DPY30: variants seen among roughly 807,000 people sequenced by gnomAD.
DPY30 encodes protein dpy-30 homolog.
DPY30 carries 6 observed loss-of-function variants against 16.2 expected under a neutral mutation model. That is an observed-to-expected ratio of 0.37 (90% confidence interval 0.20 to 0.73). The LOEUF (loss-of-function observed/expected upper bound fraction) is 0.73. DPY30 is among the 30% of genes least tolerant of loss of function. DPY30 has a pLI of 0.51. For synonymous variants in DPY30, 39 were observed against 38.8 expected (o/e 1.00, Z -0.02); for missense variants, 73 against 113.1 (o/e 0.65, Z 1.61).
At chr2:32,021,067 G>C (rs1336441959), downstream of DPY30, 1 of 151,672 alleles carries the variant, frequency 6.6e-6, no homozygotes, top group Admixed American at 6.6e-5. Context: ...TCAGGAGTTC[G>C]CAACCAGCCT....
At chr2:32,018,795 G>A (rs1303954610) in intron 5 of DPY30, among the ~76,000 whole-genome samples, 3 of 152,096 alleles carry the variant, frequency 2.0e-5, no homozygotes, top group South Asian at 2.1e-4. Context: ...AAAGGCGGGC[G>A]ATTGCTTGAG....
chr2:32,023,809 C>G, downstream of DPY30: 1 of 1,307,840 alleles, frequency 7.6e-7, no homozygotes. Context: ...TTGTAAAACT[C>G]TGCAGCATTT....
chr2:32,028,742 G>C (rs1355567604), intron 4 of DPY30, among the ~76,000 whole-genome samples: 1 of 152,076 alleles, frequency 6.6e-6, no homozygotes, highest in Non-Finnish European at 1.5e-5. Context: ...AGTGAGCCAA[G>C]ATCATGCCAC....
chr2:32,024,312 T>A, intron 4 of DPY30, 56 bp from the exon 5 acceptor site: 1 of 1,263,336 alleles, frequency 7.9e-7, no homozygotes, highest in Non-Finnish European at 1.1e-6. Context: ...TGTGTTAATT[T>A]AAACATATTG....
chr2:32,029,142 C>A (rs917515078), intron 4 of DPY30, among the ~76,000 whole-genome samples: 1 of 151,886 alleles, frequency 6.6e-6, no homozygotes, highest in Non-Finnish European at 1.5e-5. Context: ...CGTAGTGGCC[C>A]ACGCCTGTAG....
Position 32,025,921 on chromosome 2 carries a change from A to G in DPY30, c.228-1665T>C, listed in dbSNP as rs549636557. The stretch of plus-strand genomic sequence containing the variant: ...CCAAGGGTTCAAAATCAACCTGGCA[A>G]CGTGACAAAACCCTGTCTCTACAGA... On this transcript the variant is annotated intron_variant, in intron 4 of 4. Coordinates refer to ENST00000342166, the MANE Select transcript of DPY30 (RefSeq NM_001321209.2). 4.6e-5 allele frequency among the ~76,000 whole-genome samples: 7 copies of G among 152,152 alleles called. No individual in the cohort carries two copies. The South Asian group carries it at 1.5e-3, about 32-fold the overall frequency.
At chr2:32,023,483 T>C (rs1675228976), downstream of DPY30, 2 of 474,596 alleles carry the variant, frequency 4.2e-6, no homozygotes, top group Admixed American at 4.7e-5. Flanking sequence ...ATCTGCAAAA[T>C]GGGAATAATA....
At chr2:32,011,676 AC>A (rs1207244841), downstream of DPY30, among the ~76,000 whole-genome samples, 1 of 152,256 alleles carries the variant, frequency 6.6e-6, no homozygotes, top group Non-Finnish European at 1.5e-5. Flanking sequence ...TGTTATTGTT[AC>A]AAAGTACACC....
chr2:32,029,861 T>C, intron 3 of DPY30, 125 bp from the exon 4 acceptor site: 1 of 1,016,024 alleles, frequency 9.8e-7, no homozygotes, highest in African/African-American at 1.6e-5. Flanking sequence ...AAGATGGTAC[T>C]AGACCACAAA....
At chr2:32,018,878 T>C (rs1675112258) in intron 5 of DPY30, among the ~76,000 whole-genome samples, 1 of 151,342 alleles carries the variant, frequency 6.6e-6, no homozygotes, top group South Asian at 2.1e-4. Context: ...AAAAGCAAAT[T>C]AGCCAGACAT....
chr2:32,026,403 T>G (rs1368526419), intron 4 of DPY30, among the ~76,000 whole-genome samples: 1 of 151,848 alleles, frequency 6.6e-6, no homozygotes, highest in Non-Finnish European at 1.5e-5. Context: ...GAGCGAGAAC[T>G]TGTCTCAAAA....
downstream of DPY30, among the ~76,000 whole-genome samples, chr2:32,020,412 T>G (rs1012085564): frequency 1.3e-5 from 2 of 151,912 alleles, no homozygotes; most frequent in Non-Finnish European, 2.9e-5. Flanking sequence ...CTTGGAAGGC[T>G]AAGGCAAGAA....
At chr2:32,015,107 C>A (rs17011742) in intron 5 of DPY30, among the ~76,000 whole-genome samples, 21,354 of 150,916 alleles carry the variant, frequency 0.14, 1,613 homozygotes, top group Middle Eastern at 0.2. Context: ...CTCTATTTTT[C>A]CATCTTTAGG....
At chr2:32,036,545 C>T (rs1675746797) in intron 3 of DPY30, among the ~76,000 whole-genome samples, 2 of 151,804 alleles carry the variant, frequency 1.3e-5, no homozygotes, top group African/African-American at 4.8e-5. Flanking sequence ...GGTGGCGGCG[C>T]CTGTAGTCCC....
At chr2:32,030,537 G>T (rs964119700) in intron 3 of DPY30, among the ~76,000 whole-genome samples, 1 of 151,888 alleles carries the variant, frequency 6.6e-6, no homozygotes, top group African/African-American at 2.4e-5. Flanking sequence ...GGCTGAAGCA[G>T]GAGAATGGCG....
chr2:32,025,862 C>T (rs1032252039), intron 4 of DPY30, among the ~76,000 whole-genome samples: 4 of 151,660 alleles, frequency 2.6e-5, no homozygotes, highest in Non-Finnish European at 5.9e-5. Flanking sequence ...AATCCTCACA[C>T]TTTGGGAGGC....
chr2:32,035,591 T>TA lies in DPY30; in HGVS notation c.84+3687dup, dbSNP rs906842596. Among the ~76,000 whole-genome samples, 1,058 of 137,154 alleles carry TA rather than the reference T, an allele frequency of 7.7e-3. 8 individuals are homozygous for TA. Among genetic ancestry groups the TA allele is most frequent in the African/African-American group, 0.021 (771 of 37,378 alleles). 90.0% of individuals were successfully genotyped at this position (137,154 alleles called of 152,430 possible). A position where few individuals can be genotyped will look rare whatever the true frequency, so the allele number is the denominator to read the frequency against. On this transcript the variant is annotated intron_variant, in intron 3 of 4. Transcript: ENST00000342166. ...GCAACAGAGCAAGATTTCATCTTAT[T>TA]AAAAAAAAAAAAACATTTATAATAT...
chr2:32,015,849 TA>T (rs751298889), intron 5 of DPY30, among the ~76,000 whole-genome samples: 1,522 of 119,688 alleles, frequency 0.013, 9 homozygotes, highest in Non-Finnish European at 0.017. Flanking sequence ...AGACCCTGTC[TA>T]AAAAAAAAAA....
rs925928175 is a variant in DPY30 at position 32,029,809 on chromosome 2, T to C, written c.85-73A>G. ...TATTTTGAGTGCTAAACAAAACTAA[T>C]GGAAATATGACACTAATAGAAAAGG... On this transcript the variant is annotated intron_variant, in intron 3 of 4. Coordinates refer to ENST00000342166, the MANE Select transcript of DPY30 (RefSeq NM_001321209.2). The C allele has an allele frequency of 4.2e-5, 64 of 1,538,204 alleles. No individual in the cohort carries two copies. The South Asian group carries it at 6.4e-4, about 15-fold the overall frequency.
Sources: allele counts gnomAD v4.1 joint callset (sites outside exome capture counted in the v4.1 genomes callset), GRCh38; gene constraint gnomAD v4.1.1; transcripts MANE v1.5; gene names NCBI Gene and HGNC (gene_info 2026-07-23, HGNC 2026-07-21).